Variants in DNAH7 observed in about 807,000 individuals in gnomAD.
The protein encoded by DNAH7 is dynein axonemal heavy chain 7.
Under a neutral mutation model 444.6 loss-of-function variants are expected in DNAH7, and 397 were observed. The observed-to-expected ratio is 0.89, with a 90% CI of 0.82 to 0.97. The LOEUF (loss-of-function observed/expected upper bound fraction) is 0.97. DNAH7 is among the 50% of genes least tolerant of loss of function. DNAH7 has a pLI of 0.00. For missense variants in DNAH7, 4,902 were observed against 4,800.8 expected (o/e 1.02, Z -0.62); for synonymous variants, 1,636 against 1,624.4 (o/e 1.01, Z -0.17).
At chr2:195,961,850 G>A (rs76866985) in intron 17 of DNAH7, among the ~76,000 whole-genome samples, 1,705 of 152,180 alleles carry the variant, frequency 0.011, 32 homozygotes, top group East Asian at 0.071. Context: ...CAAGGAGTTA[G>A]TAATCCAGCT....
In DNAH7 at chr2:195,957,407, C is replaced by A; in HGVS notation, c.2932G>T (p.Asp978Tyr). 6.3e-7 allele frequency: 1 copy of A among 1,595,024 alleles called. No individual in the cohort carries two copies. Among genetic ancestry groups the A allele is most frequent in the South Asian group, 1.1e-5 (1 of 89,244 alleles). ...GKLLLLQEILDEWLKVQATWL... is the reference protein window; with the variant it reads ...GKLLLLQEILYEWLKVQATWL... ...GTGGCTTGGACTTTGAGCCATTCAT[C>A]CAGAATCTCCTGAAGCAGTAGGAGC... Residue 978 changes from aspartate to tyrosine, a missense_variant, in exon 19 of 65, where the codon GAT becomes TAT. Physicochemically the swap from Asp to Tyr is radical, Grantham distance 160. Coordinates refer to ENST00000312428, the MANE Select transcript of DNAH7 (RefSeq NM_018897.3).
At chr2:196,031,035 T>C (rs977082617) in intron 5 of DNAH7, among the ~76,000 whole-genome samples, 4 of 152,252 alleles carry the variant, frequency 2.6e-5, no homozygotes, top group Admixed American at 6.5e-5. Flanking sequence ...TGCACTGTTA[T>C]ATCAGAGGTT....
chr2:195,845,171 G>T lies in DNAH7; in HGVS notation c.8782-6C>A. 1 of 1,600,618 alleles carries T rather than the reference G, an allele frequency of 6.2e-7. No individual in the cohort carries two copies. The highest frequency in any genetic ancestry group is 8.5e-7 in the Non-Finnish European group (1 of 1,174,286). ...GTCCACTCTTTAGTTTGATTCTTTA[G>T]AACATCCACAGAAAGATAAAGAAAT... On this transcript the variant is annotated splice_polypyrimidine_tract_variant and splice_region_variant and intron_variant, in intron 46 of 64. Coordinates refer to ENST00000312428, the MANE Select transcript of DNAH7 (RefSeq NM_018897.3).
intron 27 of DNAH7, among the ~76,000 whole-genome samples, chr2:195,906,151 T>G (rs1687002746): frequency 1.3e-5 from 2 of 152,192 alleles, no homozygotes; most frequent in South Asian, 4.2e-4. Context: ...CATTTAAAAG[T>G]AGGGGGACAC....
chr2:195,845,011 A>G lies in DNAH7; in HGVS notation c.8936T>C (p.Ile2979Thr). 6.2e-7 allele frequency: 1 copy of G among 1,613,006 alleles called. No homozygotes were observed. Among genetic ancestry groups the G allele is most frequent in the Non-Finnish European group, 8.5e-7 (1 of 1,179,494 alleles). Reference sequence around the variant, plus strand: ...AAAATATTTTTCTTACATTATGATTATCCCATTATCAATGGAAAATGAGTC... The same window carrying G: ...AAAATATTTTTCTTACATTATGATTGTCCCATTATCAATGGAAAATGAGTC... The part of the protein sequence containing the change: ...PSDSFSIDNG[I>T]IIMNARRWPL... The change falls in exon 47 of 65, where the codon ATA (isoleucine) becomes ACA (threonine). Residue 2979 changes from isoleucine (I) to threonine (T), a missense_variant. Coordinates refer to ENST00000312428, the MANE Select transcript of DNAH7 (RefSeq NM_018897.3).
intron 61 of DNAH7, among the ~76,000 whole-genome samples, chr2:195,757,799 G>A (rs924710796): frequency 3.9e-5 from 6 of 152,202 alleles, no homozygotes; most frequent in African/African-American, 9.6e-5. Context: ...GGGAATGAAT[G>A]TCATACATAC....
chr2:196,044,794 A>C (rs1385338843), intron 5 of DNAH7, among the ~76,000 whole-genome samples: 2 of 152,078 alleles, frequency 1.3e-5, no homozygotes, highest in Non-Finnish European at 2.9e-5. Context: ...CTGGTCAGAC[A>C]CAGTGGCTCA....
Position 195,960,283 on chromosome 2 carries a change from A to AT in DNAH7, c.2867_2868insA (p.Lys957Ter), listed in dbSNP as rs1690996362. On this transcript the variant is annotated frameshift_variant, in exon 18 of 65. Transcript: ENST00000312428. LOFTEE classifies it high-confidence loss of function. ...ACCTCATTTGTTTTTCATAAGGCTT[A>AT]ATGAAAGGAGATCCTCGCATAGTTT... 6.2e-7 allele frequency: 1 copy of AT among 1,611,564 alleles called. No individual in the cohort carries two copies. The highest frequency in any genetic ancestry group is 8.5e-7 in the Non-Finnish European group (1 of 1,178,934).
At position 195,988,066 on chromosome 2, in the gene DNAH7, T is replaced by C; in HGVS notation, c.1517A>G (p.Glu506Gly). 1 of 1,613,742 alleles carries C rather than the reference T, an allele frequency of 6.2e-7. No individual in the cohort carries two copies. Among genetic ancestry groups the C allele is most frequent in the Non-Finnish European group, 8.5e-7 (1 of 1,179,788 alleles). ...KYDFLITRKAERDVDNFLAEN... is the reference protein window; with the variant it reads ...KYDFLITRKAGRDVDNFLAEN... ...TGCGAGGAAGTTATCAACATCTCGC[T>C]CAGCTTTTCTGGTAATTAAAAAGTC... The change falls in exon 13 of 65, where the codon GAG becomes GGG. Residue 506 changes from glutamate (E) to glycine (G), a missense_variant. Glu to Gly is a moderately conservative substitution (Grantham distance 98). Coordinates refer to ENST00000312428, the MANE Select transcript of DNAH7 (RefSeq NM_018897.3).
At chr2:196,040,974 CTAAT>C (rs1334861404) in intron 5 of DNAH7, among the ~76,000 whole-genome samples, 1 of 151,720 alleles carries the variant, frequency 6.6e-6, no homozygotes, top group Admixed American at 6.6e-5. Flanking sequence ...AGCTAAGAAA[CTAAT>C]TACCTAGGAA....
At chr2:195,792,387 CAA>C (rs1254794641) in intron 57 of DNAH7, among the ~76,000 whole-genome samples, 1 of 95,234 alleles carries the variant, frequency 1.1e-5, no homozygotes, top group African/African-American at 4.2e-5. Flanking sequence ...ACAAAAAAAC[CAA>C]AAAATACACA....
intron 19 of DNAH7, among the ~76,000 whole-genome samples, chr2:195,950,953 T>C (rs1284011877): frequency 6.6e-6 from 1 of 151,560 alleles, no homozygotes; most frequent in Non-Finnish European, 1.5e-5. Flanking sequence ...TGCTCTGATC[T>C]AAGTTATTTC....
chr2:195,824,136 T>C, intron 49 of DNAH7, 119 bp downstream of exon 49: 2 of 894,192 alleles, frequency 2.2e-6, no homozygotes, highest in Non-Finnish European at 3.2e-6. Context: ...TTTTAGGAAA[T>C]ACCAAAATAA....
chr2:195,945,103 A>G (rs1689713356), intron 19 of DNAH7, among the ~76,000 whole-genome samples: 2 of 151,994 alleles, frequency 1.3e-5, no homozygotes, highest in East Asian at 1.9e-4. Context: ...ACAATCCTAG[A>G]TCTCATACTT....
intron 35 of DNAH7, among the ~76,000 whole-genome samples, chr2:195,883,455 C>A (rs1184247658): frequency 6.7e-6 from 1 of 148,272 alleles, no homozygotes; most frequent in Admixed American, 6.6e-5. Context: ...CCCCGCTCCC[C>A]CCCCCCAAAA....
chr2:196,032,222 C>G (rs56048208), intron 5 of DNAH7, among the ~76,000 whole-genome samples: 7 of 152,114 alleles, frequency 4.6e-5, no homozygotes, highest in African/African-American at 1.7e-4. Context: ...GAGAACAGTA[C>G]GGGAGAAACC....
At chr2:195,833,947 G>A (rs1698200297) in intron 48 of DNAH7, among the ~76,000 whole-genome samples, 1 of 152,044 alleles carries the variant, frequency 6.6e-6, no homozygotes, top group Non-Finnish European at 1.5e-5. Context: ...TAAAGACAGG[G>A]TTTCACCAAC....
intron 8 of DNAH7, among the ~76,000 whole-genome samples, chr2:196,021,020 ATTAGAGAAAATATACAGCAAGGAGAT>A (rs1221342715): frequency 2.0e-5 from 3 of 152,188 alleles, no homozygotes; most frequent in Non-Finnish European, 4.4e-5. Flanking sequence ...AAATGTTATT[ATTAGAGAAAATATACAGCAAGGAGAT>A]TTTCCCATTA....
chr2:195,806,609 G>T lies in DNAH7; in HGVS notation c.10176+131C>A, dbSNP rs1178930310. On this transcript the variant is annotated intron_variant, in intron 54 of 64. Coordinates refer to ENST00000312428, the MANE Select transcript of DNAH7 (RefSeq NM_018897.3). ...CTTTTTGAAAAAAATGTCTGCATTA[G>T]AAAGAAGTGGGATTATTTCCCGCAG... The T allele has an allele frequency of 4.0e-5, 25 of 620,318 alleles. No homozygotes were observed. In the South Asian group the frequency reaches 9.2e-4, roughly 23 times the overall value. The allele number at this position is 620,318 out of a possible 1,614,324, so 38.4% of individuals were successfully genotyped here.
Sources: allele counts gnomAD v4.1 joint callset (sites outside exome capture counted in the v4.1 genomes callset), GRCh38; gene constraint gnomAD v4.1.1; transcripts MANE v1.5; gene names NCBI Gene and HGNC (gene_info 2026-07-23, HGNC 2026-07-21).